The following LRRIQ1 variants were observed in gnomAD, a reference collection of about 807,000 sequenced individuals.
The protein encoded by LRRIQ1 is leucine-rich repeat- and IQ domain-containing protein 1.
Under a neutral mutation model 211.9 loss-of-function variants are expected in LRRIQ1, and 210 were observed. The observed-to-expected ratio is 0.99, with a 90% CI of 0.89 to 1.11. LRRIQ1 has a LOEUF of 1.11. Ranked by LOEUF, LRRIQ1 falls within the 50% of genes most tolerant of loss-of-function variation. The pLI is 0.00. For synonymous variants in LRRIQ1, 699 were observed against 650.1 expected, an observed-to-expected ratio of 1.08 and a Z score of -1.14; for missense variants, 2,136 against 1,939.5, an observed-to-expected ratio of 1.10 and a Z score of -1.90.
chr12:85,082,378 G>C (rs1393055327), intron 11 of LRRIQ1, among the ~76,000 whole-genome samples: 1 of 152,096 alleles, frequency 6.6e-6, no homozygotes, highest in Non-Finnish European at 1.5e-5. Flanking sequence ...TCTAGGCAGG[G>C]ATTTGTTTTT....
In LRRIQ1 at chr12:85,056,163, T is replaced by C. The variant is rs1280273156; in HGVS notation, c.1370T>C (p.Leu457Ser). The C allele has an allele frequency of 1.3e-6, 2 of 1,592,614 alleles. No homozygotes were observed. Among genetic ancestry groups the C allele is most frequent in the South Asian group, 2.3e-5 (2 of 85,714 alleles). The change falls in exon 8 of 27, where the codon TTA (leucine) becomes TCA (serine). Residue 457 changes from leucine to serine, a missense_variant. Leu to Ser is a moderately radical substitution (Grantham distance 145). Transcript: ENST00000393217. ...GAAAATGTAGATAGACAGACTATATTAAAAGAATCAATACAAGTAAAGTTA... is the reference window on the plus strand; with the variant it reads ...GAAAATGTAGATAGACAGACTATATCAAAAGAATCAATACAAGTAAAGTTA... ...MKENVDRQTILKESIQVKLKE... is the reference protein window; with the variant it reads ...MKENVDRQTISKESIQVKLKE...
At chr12:85,214,387 A>G (rs921363761) in intron 24 of LRRIQ1, among the ~76,000 whole-genome samples, 2 of 152,162 alleles carry the variant, frequency 1.3e-5, no homozygotes, top group Admixed American at 6.6e-5. Flanking sequence ...AAATCCACAA[A>G]TAGCCAATTA....
At chr12:85,177,078 A>G (rs1245226319) in intron 24 of LRRIQ1, among the ~76,000 whole-genome samples, 1 of 152,152 alleles carries the variant, frequency 6.6e-6, no homozygotes, top group Non-Finnish European at 1.5e-5. Context: ...ATTAATTGGA[A>G]CAAGTAATAT....
At chr12:85,101,574 G>T (rs1886348217) in intron 13 of LRRIQ1, among the ~76,000 whole-genome samples, 1 of 151,758 alleles carries the variant, frequency 6.6e-6, no homozygotes, top group Non-Finnish European at 1.5e-5. Context: ...TGTCTTTCTG[G>T]TTTGAATTTT....
intron 19 of LRRIQ1, among the ~76,000 whole-genome samples, chr12:85,150,356 A>G (rs1420920916): frequency 1.3e-5 from 2 of 151,850 alleles, no homozygotes; most frequent in Non-Finnish European, 2.9e-5. Context: ...TTGAAAAGAA[A>G]AAACAAAAAA....
chr12:85,106,747 A>G (rs1886814663), intron 15 of LRRIQ1, 132 bp downstream of exon 15: 1 of 651,598 alleles, frequency 1.5e-6, no homozygotes, highest in Admixed American at 3.4e-5. Flanking sequence ...TTTTAAACCA[A>G]AAAAGTTTTG....
intron 24 of LRRIQ1, among the ~76,000 whole-genome samples, chr12:85,174,701 CA>C (rs71076115): frequency 0.014 from 296 of 21,596 alleles, 7 homozygotes; most frequent in South Asian, 0.078. Context: ...GAGTACAGCT[CA>C]AAAAAAAAAA....
At chr12:85,061,415 A>C (rs1881788430) in intron 8 of LRRIQ1, among the ~76,000 whole-genome samples, 1 of 151,770 alleles carries the variant, frequency 6.6e-6, no homozygotes, top group African/African-American at 2.4e-5. Flanking sequence ...CAATGAAAAG[A>C]GCTTCAATTA....
intron 24 of LRRIQ1, among the ~76,000 whole-genome samples, chr12:85,219,742 G>A (rs1302559394): frequency 6.6e-6 from 1 of 151,934 alleles, no homozygotes; most frequent in African/African-American, 2.4e-5. Flanking sequence ...TATTCATGAA[G>A]TCATTTTTTC....
intron 24 of LRRIQ1, among the ~76,000 whole-genome samples, chr12:85,212,813 A>AAG (rs369225618): frequency 9.5e-5 from 14 of 147,924 alleles, no homozygotes; most frequent in South Asian, 4.3e-4. Flanking sequence ...GAGAGAGAGA[A>AAG]AGAGAGAGAG....
chr12:85,044,081 G>T (rs529680957), intron 3 of LRRIQ1, among the ~76,000 whole-genome samples: 14 of 152,108 alleles, frequency 9.2e-5, no homozygotes, highest in Admixed American at 3.9e-4. Flanking sequence ...GGTGTTAAAA[G>T]AAAATCTATA....
chr12:85,262,620 T>C, intron 1 of LRRIQ1, among the ~76,000 whole-genome samples: 1 of 152,032 alleles, frequency 6.6e-6, no homozygotes, highest in Non-Finnish European at 1.5e-5. Flanking sequence ...AGATTTATCA[T>C]TTTATAGTTG....
chr12:85,245,888 T>C (rs111772799), downstream of LRRIQ1, among the ~76,000 whole-genome samples: 2 of 150,706 alleles, frequency 1.3e-5, no homozygotes, highest in African/African-American at 4.8e-5. Context: ...CATATATATA[T>C]AGAGAGAGAG....
At chr12:85,161,310 T>C (rs1352942669) in intron 24 of LRRIQ1, among the ~76,000 whole-genome samples, 2 of 152,150 alleles carry the variant, frequency 1.3e-5, no homozygotes, top group Non-Finnish European at 2.9e-5. Flanking sequence ...TGCAAAACAG[T>C]GCAGCAAACA....
intron 26 of LRRIQ1, among the ~76,000 whole-genome samples, chr12:85,240,422 G>C (rs1213435728): frequency 6.6e-6 from 1 of 152,024 alleles, no homozygotes; most frequent in South Asian, 2.1e-4. Flanking sequence ...TAAAGACTCT[G>C]GTACATTCAG....
chr12:85,038,013 ATGTT>A (rs1878382846), intron 1 of LRRIQ1, 136 bp from the exon 2 acceptor site: 2 of 417,088 alleles, frequency 4.8e-6, no homozygotes, highest in East Asian at 4.1e-5. Context: ...AGATAAAACA[ATGTT>A]TGGTGTAACC....
intron 18 of LRRIQ1, among the ~76,000 whole-genome samples, chr12:85,132,928 G>A (rs533259801): frequency 1.1e-4 from 17 of 151,962 alleles, no homozygotes; most frequent in African/African-American, 4.1e-4. Flanking sequence ...AGGGCAAAGA[G>A]CTGATGGTAT....
intron 11 of LRRIQ1, among the ~76,000 whole-genome samples, chr12:85,096,541 G>A (rs1885894447): frequency 6.6e-6 from 1 of 152,068 alleles, no homozygotes. Flanking sequence ...TATGATTTCT[G>A]TGTGTTTTAA....
At chr12:85,154,894 G>A (rs1890457801) in intron 23 of LRRIQ1, among the ~76,000 whole-genome samples, 1 of 150,996 alleles carries the variant, frequency 6.6e-6, no homozygotes, top group Non-Finnish European at 1.5e-5. Context: ...TGCAATAAAT[G>A]TATACTTTTC....
Sources: allele counts gnomAD v4.1 joint callset (sites outside exome capture counted in the v4.1 genomes callset), GRCh38; gene constraint gnomAD v4.1.1; transcripts MANE v1.5; gene names NCBI Gene and HGNC (gene_info 2026-07-23, HGNC 2026-07-21).